Variants in GRAMD1B observed in about 807,000 individuals in gnomAD.
GRAMD1B encodes the protein GRAM domain containing 1B.
In GRAMD1B, 37 loss-of-function variants were observed where a neutral mutation model predicts 99.7. The ratio of observed to expected loss-of-function variants is 0.37; its 90% CI spans 0.29 to 0.49. GRAMD1B has a LOEUF of 0.49. Ranked by LOEUF, GRAMD1B falls within the 20% of genes least tolerant of loss-of-function variation. GRAMD1B has a pLI of 0.98. For synonymous variants in GRAMD1B, 427 were observed against 387.6 expected (o/e 1.10, Z -1.19); for missense variants, 888 against 1,009.2 (o/e 0.88, Z 1.63).
At chr11:123,617,155 T>C (rs1356322789) in intron 17 of GRAMD1B, among the ~76,000 whole-genome samples, 3 of 151,368 alleles carry the variant, frequency 2.0e-5, no homozygotes, top group Non-Finnish European at 4.4e-5. Flanking sequence ...CTTTTATCTG[T>C]TTTTCTTTCT....
At chr11:123,431,960 G>C in intron 1 of GRAMD1B, 2 of 397,742 alleles carry the variant, frequency 5.0e-6, no homozygotes, top group Non-Finnish European at 8.9e-6. Flanking sequence ...TGGAGGGCAG[G>C]GAGTCCTCAC....
intron 1 of GRAMD1B, chr11:123,435,710 A>G: frequency 2.5e-6 from 1 of 402,792 alleles, no homozygotes; most frequent in East Asian, 3.5e-5. Context: ...CTTTTTCTCT[A>G]CTGTTTAAAG....
At chr11:123,467,769 C>A (rs1435236844) in intron 1 of GRAMD1B, among the ~76,000 whole-genome samples, 2 of 152,000 alleles carry the variant, frequency 1.3e-5, no homozygotes, top group African/African-American at 4.8e-5. Flanking sequence ...ACACATCCAG[C>A]ACGGCCTAGC....
At chr11:123,488,956 C>T (rs959684817) in intron 2 of GRAMD1B, among the ~76,000 whole-genome samples, 9 of 152,008 alleles carry the variant, frequency 5.9e-5, no homozygotes, top group South Asian at 2.1e-4. Context: ...TACCTCTCTG[C>T]GTACCCCCTT....
chr11:123,475,559 C>G (rs1951222966), intron 1 of GRAMD1B, among the ~76,000 whole-genome samples: 1 of 152,242 alleles, frequency 6.6e-6, no homozygotes, highest in African/African-American at 2.4e-5. Flanking sequence ...ATCTAGCTGT[C>G]TTGAGCGAAT....
chr11:123,571,101 A>C (rs1352940449), intron 2 of GRAMD1B, among the ~76,000 whole-genome samples: 1 of 152,248 alleles, frequency 6.6e-6, no homozygotes, highest in Non-Finnish European at 1.5e-5. Context: ...AGACAGGTAC[A>C]TATTTTGCAA....
At position 123,606,684 on chromosome 11, in the gene GRAMD1B, A is replaced by G. The variant is rs376872587; in HGVS notation, c.1399A>G (p.Ile467Val). ...GGAAAAGGAGCTCGCCATTGACAACATCATGGGGGAGAAGATTGAGATGAT... is the reference window on the plus strand; with the variant it reads ...GGAAAAGGAGCTCGCCATTGACAACGTCATGGGGGAGAAGATTGAGATGAT... ...SLEKELAIDN[I>V]MGEKIEMIAP... The change falls in exon 11 of 20, where the codon ATC (isoleucine) becomes GTC (valine). Residue 467 changes from isoleucine to valine, a missense_variant. By Grantham distance (29) the Ile-to-Val change is conservative. Transcript: ENST00000635736. 7.4e-6 allele frequency: 12 copies of G among 1,613,450 alleles called. No individual in the cohort carries two copies. The African/African-American group carries it at 1.5e-4, about 20-fold the overall frequency.
chr11:123,424,253 C>CA (rs1029881122), intron 1 of GRAMD1B, among the ~76,000 whole-genome samples: 7,826 of 104,120 alleles, frequency 0.075, 352 homozygotes, highest in African/African-American at 0.16. Context: ...CCCCCAACAC[C>CA]AAAAAAAAAA....
intron 2 of GRAMD1B, among the ~76,000 whole-genome samples, chr11:123,554,190 G>C (rs1466835436): frequency 6.6e-6 from 1 of 152,144 alleles, no homozygotes; most frequent in East Asian, 1.9e-4. Flanking sequence ...ATAAAAGGAA[G>C]GAATACATAT....
rs1403176865 is a variant in GRAMD1B at position 123,430,572 on chromosome 11, C to G, written c.-221C>G. ...GGGTGGCCTCGCCGGCGGCTGACGG[C>G]CCGGAGGACGCGCGCTCCGAAAAGT... is the stretch of plus-strand genomic sequence containing the variant. On this transcript the variant is annotated 5_prime_UTR_variant, in exon 1 of 20. Coordinates refer to ENST00000635736, the MANE Select transcript of GRAMD1B (RefSeq NM_001387025.1). 2.2e-6 allele frequency: 1 copy of G among 455,052 alleles called. No homozygotes were observed. The highest frequency in any genetic ancestry group is 3.9e-6 in the Non-Finnish European group (1 of 259,236). 28.2% of individuals were successfully genotyped at this position (455,052 alleles called of 1,614,324 possible).
chr11:123,518,803 C>T (rs57541468), intron 2 of GRAMD1B, among the ~76,000 whole-genome samples: 3,463 of 152,264 alleles, frequency 0.023, 133 homozygotes, highest in African/African-American at 0.079. Context: ...AGTCTTGCTT[C>T]CTCCCCTTCC....
chr11:123,522,338 T>C (rs1236759740), intron 2 of GRAMD1B, among the ~76,000 whole-genome samples: 1 of 152,118 alleles, frequency 6.6e-6, no homozygotes, highest in Admixed American at 6.6e-5. Context: ...TTTTTCTCTT[T>C]TGGATGGTCT....
intron 7 of GRAMD1B, chr11:123,597,935 C>A: frequency 9.2e-7 from 1 of 1,081,994 alleles, no homozygotes; most frequent in Non-Finnish European, 1.4e-6. Flanking sequence ...GAGCTACATC[C>A]CTGAACACTA....
At chr11:123,472,085 T>A (rs1342383192) in intron 1 of GRAMD1B, among the ~76,000 whole-genome samples, 2 of 152,004 alleles carry the variant, frequency 1.3e-5, no homozygotes, top group African/African-American at 2.4e-5. Context: ...CTGGCCAACA[T>A]AGCCAGGCAT....
At position 123,389,827 on chromosome 11, in the gene GRAMD1B, C is replaced by G. The variant is rs533950347; in HGVS notation, c.-176+31028C>G. On this transcript the variant is annotated intron_variant, in intron 1 of 20. Coordinates refer to the GRAMD1B transcript ENST00000638157. ...GTGGTACAATCTGGGCTCACTGCAA[C>G]CTCTGCCTCCTGGGTTCAAGCGATT... Among the ~76,000 whole-genome samples the G allele has an allele frequency of 1.2e-4, 18 of 152,146 alleles. No individual in the cohort carries two copies. In the South Asian group the frequency reaches 3.7e-3, roughly 32 times the overall value.
chr11:123,489,286 C>G (rs760780625), intron 2 of GRAMD1B, among the ~76,000 whole-genome samples: 43 of 152,142 alleles, frequency 2.8e-4, no homozygotes, highest in Non-Finnish European at 5.1e-4. Context: ...GTAGAGTGAA[C>G]TACTCATGGA....
rs559669001 is a variant in GRAMD1B, at chr11:123,523,657, A to G, written c.452+42764A>G. 1.3e-4 allele frequency among the ~76,000 whole-genome samples: 20 copies of G among 152,356 alleles called. No individual in the cohort carries two copies. The South Asian group carries it at 4.1e-3, about 32-fold the overall frequency. On this transcript the variant is annotated intron_variant, in intron 2 of 19. Transcript: ENST00000635736. ...TTTCTGTGTTACTTGTGATCAGAGC[A>G]GTTGATGGGCCAGGATGAGAATACA... is the stretch of plus-strand genomic sequence containing the variant.
intron 1 of GRAMD1B, among the ~76,000 whole-genome samples, chr11:123,447,049 G>T (rs1380465532): frequency 6.6e-6 from 1 of 152,192 alleles, no homozygotes; most frequent in Non-Finnish European, 1.5e-5. Context: ...AATTGAGTGT[G>T]TGGGAGATCA....
At chr11:123,475,114 C>T (rs970213927) in intron 1 of GRAMD1B, among the ~76,000 whole-genome samples, 4 of 152,148 alleles carry the variant, frequency 2.6e-5, no homozygotes, top group South Asian at 2.1e-4. Context: ...GGCAGAAGGA[C>T]GGCTTCCTGG....
Sources: gnomAD v4.1 joint callset for allele counts (sites outside exome capture counted in the v4.1 genomes callset) on GRCh38, gnomAD v4.1.1 for gene constraint, MANE v1.5 for transcripts, NCBI Gene and HGNC (gene_info 2026-07-23, HGNC 2026-07-21) for gene names.